The following FRMD5 variants were observed in gnomAD, a reference collection of about 807,000 sequenced individuals.
The protein encoded by FRMD5 is FERM domain-containing protein 5.
FRMD5 carries 20 observed loss-of-function variants against 69.0 expected under a neutral mutation model. The observed-to-expected ratio is 0.29, with a 90% CI of 0.20 to 0.42. The LOEUF is 0.42. Among genes scored for constraint, FRMD5 ranks in the 10% least tolerant of loss-of-function variants. The probability of loss-of-function intolerance (pLI) is 1.00; values close to 1 mark genes in which losing one functional copy is unlikely to be tolerated. For synonymous variants in FRMD5, 271 were observed against 260.1 expected (o/e 1.04, Z -0.40); for missense variants, 595 against 708.6 (o/e 0.84, Z 1.82).
intron 1 of FRMD5, among the ~76,000 whole-genome samples, chr15:43,964,647 A>G (rs952517548): frequency 6.6e-6 from 1 of 152,196 alleles, no homozygotes; most frequent in African/African-American, 2.4e-5. Context: ...AAGCATGCAC[A>G]TATTCAGAAT....
At chr15:44,104,239 T>C (rs1214917698) in intron 1 of FRMD5, among the ~76,000 whole-genome samples, 6 of 152,226 alleles carry the variant, frequency 3.9e-5, no homozygotes, top group Non-Finnish European at 7.3e-5. Flanking sequence ...TTAAATGTTT[T>C]TGTACAACTG....
chr15:43,955,961 C>G (rs1261970954), intron 1 of FRMD5, among the ~76,000 whole-genome samples: 1 of 152,086 alleles, frequency 6.6e-6, no homozygotes, highest in East Asian at 1.9e-4. Context: ...GGCTAAGTAA[C>G]TAGTACATGC....
At chr15:43,968,141 ATACT>A (rs1395846823) in intron 1 of FRMD5, among the ~76,000 whole-genome samples, 5 of 152,134 alleles carry the variant, frequency 3.3e-5, no homozygotes, top group Middle Eastern at 3.2e-3. Flanking sequence ...GAACTCCCAC[ATACT>A]TATCATCCAG....
intron 1 of FRMD5, among the ~76,000 whole-genome samples, chr15:43,985,686 A>G (rs996386111): frequency 2.0e-5 from 3 of 152,312 alleles, no homozygotes; most frequent in African/African-American, 7.2e-5. Context: ...TTCTGTGCGG[A>G]TAAGTATTCA....
intron 1 of FRMD5, among the ~76,000 whole-genome samples, chr15:44,005,798 C>G (rs966547167): frequency 6.6e-6 from 1 of 152,194 alleles, no homozygotes; most frequent in African/African-American, 2.4e-5. Flanking sequence ...CAGATCCAAT[C>G]ACTTCCCACC....
At chr15:43,881,476 C>T (rs180779166) in intron 13 of FRMD5, among the ~76,000 whole-genome samples, 6 of 152,274 alleles carry the variant, frequency 3.9e-5, no homozygotes, top group Admixed American at 3.9e-4. Context: ...AACAATTCTA[C>T]TTGGTAGTCC....
chr15:44,072,849 G>C (rs1346871420), intron 1 of FRMD5, among the ~76,000 whole-genome samples: 1 of 152,172 alleles, frequency 6.6e-6, no homozygotes, highest in South Asian at 2.1e-4. Flanking sequence ...AAAGATCAAG[G>C]CTGGACACAG....
intron 1 of FRMD5, among the ~76,000 whole-genome samples, chr15:44,068,110 A>G (rs912133672): frequency 6.6e-6 from 1 of 152,226 alleles, no homozygotes; most frequent in Non-Finnish European, 1.5e-5. Flanking sequence ...CTAAGAGTGC[A>G]AAGAAACTGG....
At chr15:43,890,179 G>C (rs990553758) in intron 8 of FRMD5, among the ~76,000 whole-genome samples, 8 of 152,142 alleles carry the variant, frequency 5.3e-5, no homozygotes, top group Non-Finnish European at 1.0e-4. Flanking sequence ...ATGCCAATTG[G>C]TTAATATATA....
At chr15:44,035,838 T>C (rs1891883625) in intron 1 of FRMD5, among the ~76,000 whole-genome samples, 1 of 152,220 alleles carries the variant, frequency 6.6e-6, no homozygotes, top group African/African-American at 2.4e-5. Context: ...CCATGCTACT[T>C]TGAGGCATTT....
chr15:43,959,002 C>A (rs2090156832), intron 1 of FRMD5, among the ~76,000 whole-genome samples: 1 of 152,194 alleles, frequency 6.6e-6, no homozygotes, highest in South Asian at 2.1e-4. Context: ...TATGCATCCT[C>A]TGAAGGGAGC....
intron 1 of FRMD5, among the ~76,000 whole-genome samples, chr15:43,983,839 T>C (rs2090584038): frequency 6.6e-6 from 1 of 152,192 alleles, no homozygotes; most frequent in South Asian, 2.1e-4. Context: ...CTCTTTCATC[T>C]TCAGGGGCCT....
chr15:44,076,242 A>G (rs923715196), intron 1 of FRMD5, among the ~76,000 whole-genome samples: 34 of 151,964 alleles, frequency 2.2e-4, no homozygotes, highest in Non-Finnish European at 2.4e-4. Flanking sequence ...AGAACTAGAA[A>G]TACCATTTGA....
chr15:44,048,745 G>A (rs975664177), intron 1 of FRMD5, among the ~76,000 whole-genome samples: 1 of 151,948 alleles, frequency 6.6e-6, no homozygotes, highest in Non-Finnish European at 1.5e-5. Context: ...GCTAATTTTT[G>A]TATTTTTAGT....
chr15:43,878,994 A>G (rs1453972739), intron 13 of FRMD5, among the ~76,000 whole-genome samples: 3 of 141,974 alleles, frequency 2.1e-5, no homozygotes, highest in African/African-American at 5.4e-5. Context: ...CTGGAGTGCA[A>G]TGGTGCAATC....
upstream of FRMD5, among the ~76,000 whole-genome samples, chr15:44,196,894 A>G (rs1467712960): frequency 6.6e-6 from 1 of 151,744 alleles, no homozygotes; most frequent in Non-Finnish European, 1.5e-5. Context: ...TCTCTTTTCA[A>G]TGCAATTTGG....
chr15:43,925,749 G>A (rs2089573892), intron 1 of FRMD5, among the ~76,000 whole-genome samples: 1 of 152,174 alleles, frequency 6.6e-6, no homozygotes, highest in Non-Finnish European at 1.5e-5. Context: ...AACTCCCCAA[G>A]GCTTTTCTGC....
intron 1 of FRMD5, among the ~76,000 whole-genome samples, chr15:44,139,264 G>T (rs1206554170): frequency 1.3e-5 from 2 of 148,580 alleles, no homozygotes; most frequent in Admixed American, 6.8e-5. Flanking sequence ...ACAATTACAA[G>T]AACAGAAACA....
At chr15:43,954,978 T>C (rs1238353528) in intron 1 of FRMD5, among the ~76,000 whole-genome samples, 1 of 152,220 alleles carries the variant, frequency 6.6e-6, no homozygotes, top group African/African-American at 2.4e-5. Context: ...CTCCTGTTCC[T>C]ACATGCTCCC....
Sources: gnomAD v4.1 joint callset for allele counts (sites outside exome capture counted in the v4.1 genomes callset) on GRCh38, gnomAD v4.1.1 for gene constraint, MANE v1.5 for transcripts, NCBI Gene and HGNC (gene_info 2026-07-23, HGNC 2026-07-21) for gene names.